CHD6: variants seen among roughly 807,000 people sequenced by gnomAD.
CHD6 encodes the protein chromodomain helicase DNA binding protein 6.
Under a neutral mutation model 276.9 loss-of-function variants are expected in CHD6, and 50 were observed. The observed-to-expected ratio is 0.18, with a 90% CI of 0.14 to 0.23. The LOEUF (loss-of-function observed/expected upper bound fraction) is 0.23, where lower values mean the gene tolerates loss of function less well. Among genes scored for constraint, CHD6 ranks in the 10% least tolerant of loss-of-function variants. The pLI is 1.00. For missense variants in CHD6, 2,564 were observed against 3,365.8 expected (o/e 0.76, Z 5.89); for synonymous variants, 1,173 against 1,229.3 (o/e 0.95, Z 0.96).
At chr20:41,541,514 G>A (rs749276991) in intron 2 of CHD6, among the ~76,000 whole-genome samples, 2 of 152,104 alleles carry the variant, frequency 1.3e-5, no homozygotes, top group African/African-American at 4.8e-5. Context: ...AGACTGCCCA[G>A]CAAGAATAAA....
intron 2 of CHD6, among the ~76,000 whole-genome samples, chr20:41,538,729 T>G (rs1325143280): frequency 6.6e-6 from 1 of 152,286 alleles, no homozygotes; most frequent in Non-Finnish European, 1.5e-5. Context: ...ATTAAAAGCC[T>G]TTTTTTGCAG....
chr20:41,500,221 A>T (rs2043798232), intron 5 of CHD6, among the ~76,000 whole-genome samples: 1 of 152,160 alleles, frequency 6.6e-6, no homozygotes, highest in African/African-American at 2.4e-5. Flanking sequence ...GAAACTGCCA[A>T]ATTCGGTATT....
At chr20:41,407,858 G>C (rs554026213) in intron 36 of CHD6, among the ~76,000 whole-genome samples, 16 of 152,318 alleles carry the variant, frequency 1.1e-4, no homozygotes, top group Admixed American at 7.2e-4. Context: ...CACTGATCAC[G>C]TGTCAGGCAC....
rs190662127 is a variant in CHD6, at chr20:41,433,039, C to G, written c.4068+4235G>C. 1.0e-3 allele frequency among the ~76,000 whole-genome samples: 156 copies of G among 150,636 alleles called. 1 individual carries two copies. The highest frequency in any genetic ancestry group is 3.6e-3 in the African/African-American group (149 of 40,920). On this transcript the variant is annotated intron_variant, in intron 27 of 36. Coordinates refer to ENST00000373233, the MANE Select transcript of CHD6 (RefSeq NM_032221.5). ...ATGGTGGAGGAAAATAATCAGTGAC[C>G]TCAAAGACAGAAAAATGGAAAGTAC...
In CHD6 at chr20:41,454,614, AT is replaced by A. The variant is rs748706845; in HGVS notation, c.3120+11del. The A allele has an allele frequency of 1.9e-6, 3 of 1,583,740 alleles. No homozygotes were observed. The Admixed American group carries it at 5.1e-5, about 27-fold the overall frequency. ...TGAATGTTCCATGGAATAAAATATT[AT>A]TTTGCTGTACCTTTTCATTCTTTGC... On this transcript the variant is annotated intron_variant, in intron 20 of 36. Coordinates refer to ENST00000373233, the MANE Select transcript of CHD6 (RefSeq NM_032221.5).
chr20:41,430,647 T>C (rs1412957856), intron 27 of CHD6, among the ~76,000 whole-genome samples: 1 of 152,200 alleles, frequency 6.6e-6, no homozygotes, highest in African/African-American at 2.4e-5. Flanking sequence ...GGGCCTAAAG[T>C]TTCCTCAGCC....
intron 1 of CHD6, among the ~76,000 whole-genome samples, chr20:41,578,401 A>T (rs1230573364): frequency 2.6e-5 from 4 of 152,326 alleles, no homozygotes; most frequent in East Asian, 3.9e-4. Context: ...ACAGTTTTTT[A>T]AAAAAGTTTT....
intron 27 of CHD6, among the ~76,000 whole-genome samples, chr20:41,430,515 C>G (rs2047504457): frequency 6.6e-6 from 1 of 152,152 alleles, no homozygotes; most frequent in African/African-American, 2.4e-5. Context: ...TCTCTATTGT[C>G]TGGACTACGA....
In CHD6 at chr20:41,590,910, C is replaced by T. The variant is rs551094729; in HGVS notation, c.-24+27430G>A. On this transcript the variant is annotated intron_variant, in intron 1 of 36. Transcript: ENST00000373233. ...ATGCTGCTATAAAGACACATGCACACGTATGTTTACTGCAGCACTATTCAC... is the reference window on the plus strand; with the variant it reads ...ATGCTGCTATAAAGACACATGCACATGTATGTTTACTGCAGCACTATTCAC... Among the ~76,000 whole-genome samples the T allele has an allele frequency of 4.6e-5, 7 of 151,380 alleles. No individual in the cohort carries two copies. The East Asian group carries it at 1.2e-3, about 25-fold the overall frequency.
At chr20:41,411,730 C>T (rs901159054) in intron 36 of CHD6, among the ~76,000 whole-genome samples, 2 of 152,106 alleles carry the variant, frequency 1.3e-5, no homozygotes, top group African/African-American at 4.8e-5. Context: ...TTTTTCATTG[C>T]CAGTGAGGCT....
intron 1 of CHD6, among the ~76,000 whole-genome samples, chr20:41,604,029 G>C (rs903807362): frequency 7.2e-6 from 1 of 138,954 alleles, no homozygotes; most frequent in African/African-American, 2.6e-5. Context: ...GTGGGGGTGG[G>C]TAGGTAGGGG....
At chr20:41,513,631 C>A (rs1214516239) in intron 4 of CHD6, among the ~76,000 whole-genome samples, 2 of 152,096 alleles carry the variant, frequency 1.3e-5, no homozygotes, top group Non-Finnish European at 2.9e-5. Flanking sequence ...TTTTAATAAT[C>A]AACAACAAAA....
At chr20:41,592,499 C>T (rs1449845853) in intron 1 of CHD6, among the ~76,000 whole-genome samples, 1 of 152,156 alleles carries the variant, frequency 6.6e-6, no homozygotes, top group African/African-American at 2.4e-5. Flanking sequence ...CCATTTCAAA[C>T]AATTAATTTA....
chr20:41,595,574 G>T (rs575306053), intron 1 of CHD6, among the ~76,000 whole-genome samples: 8 of 152,174 alleles, frequency 5.3e-5, no homozygotes, highest in Admixed American at 4.6e-4. Context: ...ACACATGCAG[G>T]AAACTCAGGG....
chr20:41,617,504 C>A (rs1201912583), intron 1 of CHD6, among the ~76,000 whole-genome samples: 2 of 152,170 alleles, frequency 1.3e-5, no homozygotes, highest in Non-Finnish European at 2.9e-5. Flanking sequence ...TTAAAAAAAA[C>A]CAAGTAGCTG....
chr20:41,417,354 G>C lies in CHD6; in HGVS notation c.6128-5C>G, dbSNP rs773764191. 5 of 1,609,508 alleles carry C rather than the reference G, an allele frequency of 3.1e-6. No homozygotes were observed. The highest frequency in any genetic ancestry group is 4.2e-6 in the Non-Finnish European group (5 of 1,178,852). On this transcript the variant is annotated splice_region_variant and splice_polypyrimidine_tract_variant and intron_variant, in intron 31 of 36. Coordinates refer to ENST00000373233, the MANE Select transcript of CHD6 (RefSeq NM_032221.5). ...CAGAGTACTTCCCTGGATAATCTGG[G>C]AAGAGGTTAAAAAATTAATCAGGCA...
At chr20:41,522,110 G>T (rs1038736325) in intron 3 of CHD6, among the ~76,000 whole-genome samples, 1 of 152,170 alleles carries the variant, frequency 6.6e-6, no homozygotes, top group Non-Finnish European at 1.5e-5. Flanking sequence ...GTAGGCTGGG[G>T]CAGGAGGATG....
chr20:41,525,007 G>A (rs1018669091), intron 3 of CHD6, among the ~76,000 whole-genome samples: 6 of 152,142 alleles, frequency 3.9e-5, no homozygotes, highest in African/African-American at 1.4e-4. Context: ...GGGGTCTTCA[G>A]TAGACTGATT....
At chr20:41,467,561 G>C in intron 17 of CHD6, among the ~76,000 whole-genome samples, 1 of 39,156 alleles carries the variant, frequency 2.6e-5, no homozygotes, top group African/African-American at 9.8e-5. Context: ...TTCTGACAAT[G>C]AAAAAAAAAA....
Sources: gnomAD v4.1 joint callset for allele counts (sites outside exome capture counted in the v4.1 genomes callset) on GRCh38, gnomAD v4.1.1 for gene constraint, MANE v1.5 for transcripts, NCBI Gene and HGNC (gene_info 2026-07-23, HGNC 2026-07-21) for gene names.